Variants in TUB observed in about 807,000 individuals in gnomAD.
TUB encodes tubby protein homolog.
A neutral mutation model predicts 59.7 loss-of-function variants in TUB; 33 were observed. The ratio of observed to expected loss-of-function variants is 0.55; its 90% CI spans 0.42 to 0.74. TUB has a LOEUF of 0.74. TUB is among the 30% of genes least tolerant of loss of function. The pLI, the probability that TUB is intolerant of heterozygous loss-of-function variation, is 0.00. For synonymous variants in TUB, 293 were observed against 256.4 expected, an observed-to-expected ratio of 1.14 and a Z score of -1.36; for missense variants, 659 against 672.0, an observed-to-expected ratio of 0.98 and a Z score of 0.21.
intron 3 of TUB, among the ~76,000 whole-genome samples, chr11:8,091,242 TTGTC>T (rs1353644251): frequency 2.6e-5 from 4 of 152,144 alleles, no homozygotes; most frequent in Non-Finnish European, 5.9e-5. Context: ...CCTGAGCCCT[TTGTC>T]TGCACATTGG....
intron 2 of TUB, among the ~76,000 whole-genome samples, chr11:8,049,136 A>G (rs1942886765): frequency 6.6e-6 from 1 of 152,164 alleles, no homozygotes; most frequent in Non-Finnish European, 1.5e-5. Flanking sequence ...AGCATGGGCT[A>G]CCTTGTGCTT....
intron 1 of TUB, among the ~76,000 whole-genome samples, chr11:8,022,606 T>G (rs1942445248): frequency 6.6e-6 from 1 of 152,192 alleles, no homozygotes; most frequent in Non-Finnish European, 1.5e-5. Flanking sequence ...AACAACTGTT[T>G]TGGCCAGGCG....
intron 3 of TUB, 142 bp downstream of exon 3, chr11:8,090,373 G>A: frequency 8.1e-7 from 1 of 1,231,922 alleles, no homozygotes; most frequent in Non-Finnish European, 1.1e-6. Context: ...CAGCTGAGTA[G>A]GGAGGGCAGA....
At chr11:8,061,130 C>A (rs1365351967) in intron 2 of TUB, among the ~76,000 whole-genome samples, 1 of 152,256 alleles carries the variant, frequency 6.6e-6, no homozygotes, top group Non-Finnish European at 1.5e-5. Flanking sequence ...TTCCTTGATG[C>A]TCTCTGTCCA....
At chr11:8,061,219 G>A (rs897674098) in intron 2 of TUB, among the ~76,000 whole-genome samples, 3 of 152,222 alleles carry the variant, frequency 2.0e-5, no homozygotes, top group Non-Finnish European at 4.4e-5. Context: ...CATCAGCGAC[G>A]ATGCCACCTG....
intron 11 of TUB, 66 bp from the exon 12 acceptor site, chr11:8,101,418 CTA>C (rs1208768103): frequency 3.8e-6 from 6 of 1,594,702 alleles, no homozygotes; most frequent in Non-Finnish European, 5.1e-6. Context: ...GGGTGTCTGT[CTA>C]TCCTTCCCTG....
chr11:8,054,122 A>C (rs1416231303), intron 2 of TUB, among the ~76,000 whole-genome samples: 3 of 152,042 alleles, frequency 2.0e-5, no homozygotes, highest in Non-Finnish European at 4.4e-5. Context: ...CTCAAAAAGA[A>C]AAAAAAGTTT....
intron 1 of TUB, 21 bp downstream of exon 1, chr11:8,081,569 G>A: frequency 6.6e-7 from 1 of 1,526,058 alleles, no homozygotes; most frequent in South Asian, 1.2e-5. Flanking sequence ...GCCGGGCCGG[G>A]GCGCCCACCA....
At chr11:8,061,701 G>T (rs1418905258) in intron 2 of TUB, among the ~76,000 whole-genome samples, 1 of 152,058 alleles carries the variant, frequency 6.6e-6, no homozygotes, top group African/African-American at 2.4e-5. Flanking sequence ...AAGTTGTCCT[G>T]CCTCCTGCCG....
At chr11:8,065,770 T>C (rs1414123257) in intron 2 of TUB, among the ~76,000 whole-genome samples, 6 of 152,098 alleles carry the variant, frequency 3.9e-5, no homozygotes, top group African/African-American at 1.4e-4. Flanking sequence ...TAATGATGAA[T>C]TTGGTGACGT....
chr11:8,070,806 C>G (rs544845037), intron 2 of TUB, among the ~76,000 whole-genome samples: 1 of 152,140 alleles, frequency 6.6e-6, no homozygotes, highest in African/African-American at 2.4e-5. Flanking sequence ...TAGCTACAGA[C>G]CAGAAACTTC....
intron 6 of TUB, 57 bp downstream of exon 6, chr11:8,096,863 G>A: frequency 6.3e-7 from 1 of 1,589,912 alleles, no homozygotes; most frequent in Admixed American, 1.7e-5. Flanking sequence ...ATCCGTTAGA[G>A]GTGGACTGCA....
chr11:8,088,129 G>T (rs1186119590), intron 1 of TUB, among the ~76,000 whole-genome samples: 1 of 152,214 alleles, frequency 6.6e-6, no homozygotes, highest in Non-Finnish European at 1.5e-5. Flanking sequence ...CACAGCTGGG[G>T]CTCCTCTGAC....
chr11:8,088,826 C>G (rs1266585597), intron 1 of TUB, among the ~76,000 whole-genome samples: 1 of 152,248 alleles, frequency 6.6e-6, no homozygotes, highest in South Asian at 2.1e-4. Flanking sequence ...TGAGATGAGG[C>G]TCCCTGTCCC....
At chr11:8,097,963 C>T in intron 8 of TUB, 137 bp downstream of exon 8, 3 of 681,604 alleles carry the variant, frequency 4.4e-6, no homozygotes, top group Admixed American at 2.8e-5. Flanking sequence ...CTGATAATCA[C>T]ATCCAACTGG....
chr11:8,073,349 C>G (rs1410967549), intron 2 of TUB, among the ~76,000 whole-genome samples: 1 of 152,154 alleles, frequency 6.6e-6, no homozygotes, highest in Non-Finnish European at 1.5e-5. Flanking sequence ...GGGACTGATT[C>G]CTCTTGTTGG....
At chr11:8,030,026 A>G (rs533720119) in intron 1 of TUB, among the ~76,000 whole-genome samples, 1 of 152,278 alleles carries the variant, frequency 6.6e-6, no homozygotes, top group East Asian at 1.9e-4. Flanking sequence ...GTTAGAGGGC[A>G]GTGAGTGGGG....
chr11:8,105,988 G>A lies in TUB; in HGVS notation c.*4369G>A, dbSNP rs1944587112. Reference sequence around the variant, plus strand: ...TGTGTATGTCTATTTGCACAAGATTGTCTTTTCCTATTTTGGAGTGGTCAG... The same window carrying A: ...TGTGTATGTCTATTTGCACAAGATTATCTTTTCCTATTTTGGAGTGGTCAG... On this transcript the variant is annotated 3_prime_UTR_variant, in exon 12 of 12. Transcript: ENST00000299506. 6.6e-6 allele frequency: 1 copy of A among 151,912 alleles called. No homozygotes were observed. The highest frequency in any genetic ancestry group is 1.5e-5 in the Non-Finnish European group (1 of 67,826). The allele number at this position is 151,912 out of a possible 1,614,324, so 9.4% of individuals were successfully genotyped here.
At position 8,101,754 on chromosome 11, in the gene TUB, CCCAG is replaced by C; in HGVS notation, c.*144_*147del. ...CTTTGGCCCTCAGTGGGCTCCCTGGCCCAGCCAGCCAGGAACTGGCTCCTTTGCC... is the reference window on the plus strand; with the variant it reads ...CTTTGGCCCTCAGTGGGCTCCCTGGCCCAGCCAGGAACTGGCTCCTTTGCC... On this transcript the variant is annotated 3_prime_UTR_variant, in exon 12 of 12. Transcript: ENST00000299506. The C allele has an allele frequency of 1.4e-6, 2 of 1,431,380 alleles. No homozygotes were observed. The highest frequency in any genetic ancestry group is 2.5e-5 in the East Asian group (1 of 39,976). 88.7% of individuals were successfully genotyped at this position (1,431,380 alleles called of 1,614,324 possible).
Sources: gnomAD v4.1 joint callset for allele counts (sites outside exome capture counted in the v4.1 genomes callset) on GRCh38, gnomAD v4.1.1 for gene constraint, MANE v1.5 for transcripts, NCBI Gene and HGNC (gene_info 2026-07-23, HGNC 2026-07-21) for gene names.